PLEKHG1: variants seen among roughly 807,000 people sequenced by gnomAD.
PLEKHG1 encodes pleckstrin homology domain-containing family G member 1.
PLEKHG1 carries 44 observed loss-of-function variants against 100.8 expected under a neutral mutation model. The ratio of observed to expected loss-of-function variants is 0.44; its 90% CI spans 0.34 to 0.56. PLEKHG1 has a LOEUF of 0.56. PLEKHG1 is among the 20% of genes least tolerant of loss of function. The pLI, the probability that PLEKHG1 is intolerant of heterozygous loss-of-function variation, is 0.01. For missense variants in PLEKHG1, 1,545 were observed against 1,720.9 expected (o/e 0.90, Z 1.81); for synonymous variants, 640 against 662.5 (o/e 0.97, Z 0.52).
At chr6:150,638,211 T>C (rs1778096129) in intron 2 of PLEKHG1, 1 of 152,294 alleles carries the variant, frequency 6.6e-6, no homozygotes, top group Non-Finnish European at 1.5e-5. Flanking sequence ...TTATTAAATT[T>C]TAGATAGAAT....
At chr6:150,770,715 G>A (rs1007976471) in intron 3 of PLEKHG1, among the ~76,000 whole-genome samples, 1 of 152,232 alleles carries the variant, frequency 6.6e-6, no homozygotes, top group African/African-American at 2.4e-5. Flanking sequence ...ATGTGCTGGT[G>A]TGAAAGCCAG....
intron 13 of PLEKHG1, 139 bp from the exon 15 acceptor site, chr6:150,823,515 A>G (rs1327372393): frequency 3.3e-6 from 2 of 605,360 alleles, no homozygotes; most frequent in South Asian, 4.3e-5. Context: ...TTTTCTGAAA[A>G]TTAGATCTAT....
intron 1 of PLEKHG1, among the ~76,000 whole-genome samples, chr6:150,610,544 A>T (rs1776782418): frequency 6.6e-6 from 1 of 152,242 alleles, no homozygotes; most frequent in African/African-American, 2.4e-5. Flanking sequence ...AAGAAATTTA[A>T]GTTTTAAAAA....
At chr6:150,777,967 G>A (rs1293185826) in intron 3 of PLEKHG1, among the ~76,000 whole-genome samples, 2 of 152,218 alleles carry the variant, frequency 1.3e-5, no homozygotes, top group East Asian at 1.9e-4. Context: ...TCCAGGCCCC[G>A]ACTGTGCTCC....
intron 14 of PLEKHG1, among the ~76,000 whole-genome samples, chr6:150,829,953 A>C (rs1049506578): frequency 6.6e-6 from 1 of 152,228 alleles, no homozygotes; most frequent in Admixed American, 6.5e-5. Flanking sequence ...GAAAGTCTCA[A>C]ATAGAACAGA....
At chr6:150,699,335 ACT>A (rs1170736500) in intron 3 of PLEKHG1, among the ~76,000 whole-genome samples, 2 of 152,236 alleles carry the variant, frequency 1.3e-5, no homozygotes, top group Admixed American at 1.3e-4. Flanking sequence ...CAGAAAAGAC[ACT>A]CTGATTCAAC....
In PLEKHG1 at chr6:150,775,245, T is replaced by C. The variant is rs148194301; in HGVS notation, c.512+6507T>C. 9.2e-5 allele frequency among the ~76,000 whole-genome samples: 14 copies of C among 152,208 alleles called. No individual in the cohort carries two copies. The East Asian group carries it at 2.7e-3, about 29-fold the overall frequency. On this transcript the variant is annotated intron_variant, in intron 3 of 15. Transcript: ENST00000358517. Reference sequence around the variant, plus strand: ...TGCAAACCAAAAAAGAAATGCCAAGTTTTAAAAAGAAAGTACCCCTCTCTT... The same window carrying C: ...TGCAAACCAAAAAAGAAATGCCAAGCTTTAAAAAGAAAGTACCCCTCTCTT...
At chr6:150,812,678 G>T (rs1787600710) in intron 10 of PLEKHG1, among the ~76,000 whole-genome samples, 1 of 152,190 alleles carries the variant, frequency 6.6e-6, no homozygotes, top group Non-Finnish European at 1.5e-5. Context: ...AGCAAAGCAA[G>T]ACTTCTCGTC....
At chr6:150,706,998 C>CT (rs71014517) in intron 3 of PLEKHG1, among the ~76,000 whole-genome samples, 17,512 of 51,570 alleles carry the variant, frequency 0.34, 3,888 homozygotes, top group Middle Eastern at 0.47. Context: ...TTTTCTTTTT[C>CT]TTTTTTTTTT....
At chr6:150,828,184 T>A (rs576707615) in intron 14 of PLEKHG1, 1 of 1,613,726 alleles carries the variant, frequency 6.2e-7, no homozygotes, top group East Asian at 2.2e-5. Flanking sequence ...GAAGGAGATA[T>A]CAAGGCTCAG....
chr6:150,695,064 T>C (rs4869932), intron 3 of PLEKHG1, among the ~76,000 whole-genome samples: 10,869 of 152,304 alleles, frequency 0.071, 457 homozygotes, highest in South Asian at 0.17. Flanking sequence ...TCAGTCTTGA[T>C]ATCATAGTTC....
At chr6:150,778,593 GT>G (rs1199820723) in intron 3 of PLEKHG1, among the ~76,000 whole-genome samples, 3 of 152,080 alleles carry the variant, frequency 2.0e-5, no homozygotes, top group African/African-American at 7.2e-5. Flanking sequence ...ATAATACAAT[GT>G]GATATTATGT....
At chr6:150,746,391 G>A (rs758525784) in intron 2 of PLEKHG1, among the ~76,000 whole-genome samples, 2 of 152,084 alleles carry the variant, frequency 1.3e-5, no homozygotes, top group African/African-American at 2.4e-5. Flanking sequence ...AGGTTTCACC[G>A]CTTCTTCCTC....
intron 3 of PLEKHG1, among the ~76,000 whole-genome samples, chr6:150,653,885 G>A (rs932647881): frequency 2.0e-5 from 3 of 152,136 alleles, no homozygotes; most frequent in Non-Finnish European, 2.9e-5. Flanking sequence ...TAGGTTAGAT[G>A]GCCGTAGTTG....
At chr6:150,693,473 A>G (rs1780422956) in intron 3 of PLEKHG1, among the ~76,000 whole-genome samples, 1 of 152,204 alleles carries the variant, frequency 6.6e-6, no homozygotes, top group Non-Finnish European at 1.5e-5. Context: ...ATGATCAGCC[A>G]GTGATTCAAA....
At chr6:150,769,670 A>C (rs544001342) in intron 3 of PLEKHG1, among the ~76,000 whole-genome samples, 1 of 152,096 alleles carries the variant, frequency 6.6e-6, no homozygotes, top group Non-Finnish European at 1.5e-5. Context: ...CTGCTGTTCA[A>C]CATACATGAG....
chr6:150,613,826 C>T (rs540535245), intron 1 of PLEKHG1, among the ~76,000 whole-genome samples: 21 of 152,316 alleles, frequency 1.4e-4, no homozygotes, highest in African/African-American at 4.3e-4. Flanking sequence ...CAGCATCTCA[C>T]GAATGGCAGA....
In PLEKHG1 at chr6:150,810,543, A is replaced by AAAGAAAGAAAGAAAGAAAGG. The variant is rs754046929; in HGVS notation, c.1278+812_1278+813insAAAGAAAGAAAGAAAGGAAG. Reference sequence around the variant, plus strand: ...GAAAGAAAGAAAGAAAGAAAGGAAGAAAGGAAGGAAAGAAAGAAAGAAAAT... The same window carrying AAAGAAAGAAAGAAAGAAAGG: ...GAAAGAAAGAAAGAAAGAAAGGAAGAAAGAAAGAAAGAAAGAAAGGAAGGAAGGAAAGAAAGAAAGAAAAT... On this transcript the variant is annotated intron_variant, in intron 10 of 15. Transcript: ENST00000358517. Among the ~76,000 whole-genome samples the AAAGAAAGAAAGAAAGAAAGG allele has an allele frequency of 5.4e-4, 79 of 146,920 alleles. 1 individual carries two copies. Among genetic ancestry groups the AAAGAAAGAAAGAAAGAAAGG allele is most frequent in the East Asian group, 1.7e-3 (8 of 4,714 alleles).
intron 11 of PLEKHG1, among the ~76,000 whole-genome samples, chr6:150,818,979 G>A (rs1442209177): frequency 6.6e-6 from 1 of 152,290 alleles, no homozygotes; most frequent in African/African-American, 2.4e-5. Flanking sequence ...GGAAACAGGT[G>A]CATTCCCACC....
Sources: allele counts gnomAD v4.1 joint callset (sites outside exome capture counted in the v4.1 genomes callset), GRCh38; gene constraint gnomAD v4.1.1; transcripts MANE v1.5; gene names NCBI Gene and HGNC (gene_info 2026-07-23, HGNC 2026-07-21).